The following BBS9 variants were observed in gnomAD, a reference collection of about 807,000 sequenced individuals.
BBS9 encodes the protein protein PTHB1.
In BBS9, 89 loss-of-function variants were observed where a neutral mutation model predicts 117.7. The observed-to-expected ratio is 0.76, with a 90% CI of 0.64 to 0.90. The LOEUF (loss-of-function observed/expected upper bound fraction) is 0.90. BBS9 is among the 40% of genes least tolerant of loss of function. The pLI, the probability that BBS9 is intolerant of heterozygous loss-of-function variation, is 0.00. For missense variants in BBS9, 982 were observed against 1,042.2 expected, an observed-to-expected ratio of 0.94 and a Z score of 0.80; for synonymous variants, 379 against 370.9, an observed-to-expected ratio of 1.02 and a Z score of -0.25.
chr7:33,333,461 A>G (rs982944433), intron 9 of BBS9, among the ~76,000 whole-genome samples: 1 of 152,080 alleles, frequency 6.6e-6, no homozygotes. Flanking sequence ...GTTGATGGGC[A>G]CTTAGGTTGG....
intron 21 of BBS9, among the ~76,000 whole-genome samples, chr7:33,548,974 T>C (rs1168932042): frequency 2.6e-5 from 4 of 151,098 alleles, no homozygotes; most frequent in African/African-American, 9.8e-5. Context: ...ACCAAGGCAA[T>C]CCTAAGCCAA....
At chr7:33,514,239 A>G (rs968007717) in intron 20 of BBS9, among the ~76,000 whole-genome samples, 2 of 152,166 alleles carry the variant, frequency 1.3e-5, no homozygotes, top group Non-Finnish European at 2.9e-5. Flanking sequence ...GAACTAGACT[A>G]TTCCCCAAGG....
chr7:33,217,578 A>G (rs188257464), intron 5 of BBS9, among the ~76,000 whole-genome samples: 38 of 152,368 alleles, frequency 2.5e-4, no homozygotes, highest in African/African-American at 9.1e-4. Flanking sequence ...AATACATTTC[A>G]ATATTTTGAT....
chr7:33,269,704 C>A (rs562993304), intron 7 of BBS9, among the ~76,000 whole-genome samples: 18 of 145,820 alleles, frequency 1.2e-4, no homozygotes, highest in African/African-American at 4.6e-4. Context: ...GCAGCCTGGG[C>A]AACAGAGTGA....
intron 20 of BBS9, among the ~76,000 whole-genome samples, chr7:33,522,390 A>G (rs1187955673): frequency 6.7e-6 from 1 of 150,082 alleles, no homozygotes; most frequent in Non-Finnish European, 1.5e-5. Context: ...CTATTTCTCC[A>G]CATCCTCTCC....
intron 9 of BBS9, among the ~76,000 whole-genome samples, chr7:33,283,864 CTGTT>C (rs769469384): frequency 6.6e-6 from 1 of 152,116 alleles, no homozygotes; most frequent in African/African-American, 2.4e-5. Context: ...CCTTCTCACT[CTGTT>C]TATTTTCTCT....
At chr7:33,615,680 A>G (rs1247277806) in intron 21 of BBS9, among the ~76,000 whole-genome samples, 1 of 152,118 alleles carries the variant, frequency 6.6e-6, no homozygotes, top group Non-Finnish European at 1.5e-5. Context: ...AATGTTTTCA[A>G]ATTAATGTCA....
intron 5 of BBS9, among the ~76,000 whole-genome samples, chr7:33,227,163 ATT>A (rs200953219): frequency 2.0e-5 from 3 of 146,346 alleles, no homozygotes; most frequent in Non-Finnish European, 4.5e-5. Context: ...ACAGCCATCA[ATT>A]TTTTTTTTTT....
chr7:33,520,643 T>A (rs745729890), intron 20 of BBS9, among the ~76,000 whole-genome samples: 9 of 152,184 alleles, frequency 5.9e-5, no homozygotes, highest in Admixed American at 1.3e-4. Context: ...TCCAATGTAC[T>A]TTCATGGCCC....
chr7:33,469,318 A>G (rs1544557), intron 19 of BBS9, among the ~76,000 whole-genome samples: 118,327 of 152,092 alleles, frequency 0.78, 46,862 homozygotes, highest in African/African-American at 0.93. Flanking sequence ...TCTAGGAAGA[A>G]AAGACCCATG....
chr7:33,249,296 A>G (rs1168495862), intron 5 of BBS9, among the ~76,000 whole-genome samples: 1 of 152,070 alleles, frequency 6.6e-6, no homozygotes, highest in African/African-American at 2.4e-5. Context: ...ATTTTCATGA[A>G]TAGATTATAA....
intron 19 of BBS9, among the ~76,000 whole-genome samples, chr7:33,505,059 T>G (rs1262108509): frequency 1.3e-5 from 2 of 152,234 alleles, no homozygotes; most frequent in Non-Finnish European, 2.9e-5. Context: ...TATTTTGAAC[T>G]ACAAGGCAAA....
In BBS9 at chr7:33,367,828, T is replaced by C; in HGVS notation, c.1755T>C (p.Gly585=). The C allele has an allele frequency of 4.3e-6, 7 of 1,613,880 alleles. No homozygotes were observed. Among genetic ancestry groups the C allele is most frequent in the South Asian group, 1.1e-5 (1 of 91,076 alleles). The change falls in exon 17 of 23, where the codon GGT becomes GGC. Residue 585 remains glycine (G), a synonymous_variant. Coordinates refer to ENST00000242067, the MANE Select transcript of BBS9 (RefSeq NM_198428.3). Reference sequence around the variant, plus strand: ...TAATGGGTTTTCACTTCTTAGGAGGTGCTCGAATTACTGTTCTTGCTTCCA... The same window carrying C: ...TAATGGGTTTTCACTTCTTAGGAGGCGCTCGAATTACTGTTCTTGCTTCCA... ...VNVMGFHFLG[G]ARITVLASKT...
chr7:33,185,200 G>T (rs948450461), intron 5 of BBS9, among the ~76,000 whole-genome samples: 1 of 152,106 alleles, frequency 6.6e-6, no homozygotes, highest in Non-Finnish European at 1.5e-5. Flanking sequence ...TATCAGTAAG[G>T]TCTTTGTGAC....
chr7:33,564,294 G>A (rs1020559475), intron 21 of BBS9, among the ~76,000 whole-genome samples: 3 of 152,160 alleles, frequency 2.0e-5, no homozygotes, highest in Admixed American at 6.5e-5. Context: ...GACATTGGAA[G>A]GGATTTTAAT....
chr7:33,251,168 C>T (rs765270858), intron 5 of BBS9, among the ~76,000 whole-genome samples: 1 of 152,142 alleles, frequency 6.6e-6, no homozygotes, highest in Non-Finnish European at 1.5e-5. Context: ...CCAGGTGAGG[C>T]TTGATGCACT....
intron 21 of BBS9, among the ~76,000 whole-genome samples, chr7:33,556,854 A>G (rs1203814590): frequency 6.6e-6 from 1 of 152,222 alleles, no homozygotes; most frequent in Non-Finnish European, 1.5e-5. Context: ...TTCAGTAGAC[A>G]TTCCAAAATC....
At chr7:33,247,545 G>A (rs1384800863) in intron 5 of BBS9, among the ~76,000 whole-genome samples, 2 of 152,004 alleles carry the variant, frequency 1.3e-5, no homozygotes, top group East Asian at 3.9e-4. Context: ...TAATTGCTTG[G>A]GAAACTCTTT....
rs779261097 is a variant in BBS9, at chr7:33,349,130, A to G, written c.1392A>G (p.Pro464=). 3.1e-6 allele frequency: 5 copies of G among 1,613,310 alleles called. No individual in the cohort carries two copies. Among genetic ancestry groups the G allele is most frequent in the South Asian group, 1.1e-5 (1 of 91,072 alleles). The part of the protein sequence containing the change: ...KAKLSVYVQP[P]LELTCDQFTF... ...AATTATCAGTCTACGTGCAACCACC[A>G]TTAGAATTGACTTGTGATCAGTTCA... The change falls in exon 13 of 23, where the codon CCA becomes CCG. Residue 464 remains proline, a synonymous_variant. Transcript: ENST00000242067.
Sources: allele counts gnomAD v4.1 joint callset (sites outside exome capture counted in the v4.1 genomes callset), GRCh38; gene constraint gnomAD v4.1.1; transcripts MANE v1.5; gene names NCBI Gene and HGNC (gene_info 2026-07-23, HGNC 2026-07-21).